GALNTL6: variants seen among roughly 807,000 people sequenced by gnomAD.
GALNTL6 encodes the protein polypeptide N-acetylgalactosaminyltransferase like 6.
GALNTL6 carries 46 observed loss-of-function variants against 73.7 expected under a neutral mutation model. The ratio of observed to expected loss-of-function variants is 0.62; its 90% CI spans 0.49 to 0.80. The LOEUF (loss-of-function observed/expected upper bound fraction) is 0.80. Among genes scored for constraint, GALNTL6 ranks in the 30% least tolerant of loss-of-function variants. The pLI, the probability that GALNTL6 is intolerant of heterozygous loss-of-function variation, is 0.00. For missense variants in GALNTL6, 604 were observed against 755.0 expected (o/e 0.80, Z 2.34); for synonymous variants, 259 against 263.7 (o/e 0.98, Z 0.17).
intron 3 of GALNTL6, among the ~76,000 whole-genome samples, chr4:172,251,933 G>A (rs1012581496): frequency 8.6e-5 from 13 of 152,022 alleles, no homozygotes; most frequent in Admixed American, 5.9e-4. Flanking sequence ...AACTAAAAAC[G>A]TGGCTTTCGA....
At chr4:172,739,924 G>C (rs777636514) in intron 5 of GALNTL6, among the ~76,000 whole-genome samples, 9 of 148,780 alleles carry the variant, frequency 6.0e-5, no homozygotes, top group Non-Finnish European at 1.2e-4. Context: ...GAGCAGAGCT[G>C]TTCAAGAAAT....
chr4:172,053,899 A>G (rs1730948184), intron 2 of GALNTL6, among the ~76,000 whole-genome samples: 1 of 152,144 alleles, frequency 6.6e-6, no homozygotes, highest in African/African-American at 2.4e-5. Context: ...AATAATATAT[A>G]TCCATGGGCC....
At chr4:172,150,030 A>G (rs13434475) in intron 2 of GALNTL6, among the ~76,000 whole-genome samples, 72,884 of 151,906 alleles carry the variant, frequency 0.48, 18,290 homozygotes, top group African/African-American at 0.62. Context: ...TCTCCCTAGG[A>G]ATTTTCATAC....
chr4:172,782,310 T>A (rs888101699), intron 5 of GALNTL6, among the ~76,000 whole-genome samples: 1 of 152,150 alleles, frequency 6.6e-6, no homozygotes, highest in African/African-American at 2.4e-5. Flanking sequence ...ATTTGGCCTC[T>A]TGGAGAAAGT....
At chr4:173,011,338 C>T (rs187998041) in intron 11 of GALNTL6, among the ~76,000 whole-genome samples, 5 of 152,184 alleles carry the variant, frequency 3.3e-5, no homozygotes, top group African/African-American at 7.2e-5. Flanking sequence ...TTTCCTTTGC[C>T]GTGCAGAAGC....
chr4:173,008,490 T>G (rs1168026343), intron 10 of GALNTL6, among the ~76,000 whole-genome samples: 1 of 152,228 alleles, frequency 6.6e-6, no homozygotes, highest in African/African-American at 2.4e-5. Flanking sequence ...ATAGGCCTGT[T>G]GCCTGATGTG....
Position 171,853,770 on chromosome 4 carries a change from C to A in GALNTL6, c.138+39052C>A, listed in dbSNP as rs956490434. On this transcript the variant is annotated intron_variant, in intron 2 of 12. Coordinates refer to ENST00000506823, the MANE Select transcript of GALNTL6 (RefSeq NM_001034845.3). ...GGGACTACAGGTGCCCACCACCACG[C>A]CCAGCTAATTTTTATATTTTTAGTA... Among the ~76,000 whole-genome samples, 147 of 151,804 alleles carry A rather than the reference C, an allele frequency of 9.7e-4. 1 individual carries two copies. The highest frequency in any genetic ancestry group is 5.9e-5 in the Non-Finnish European group (4 of 67,906).
intron 3 of GALNTL6, among the ~76,000 whole-genome samples, chr4:172,294,625 A>C (rs989925944): frequency 6.6e-6 from 1 of 152,128 alleles, no homozygotes; most frequent in Non-Finnish European, 1.5e-5. Context: ...AGATATTTTA[A>C]CAGACAAAAA....
intron 7 of GALNTL6, among the ~76,000 whole-genome samples, chr4:172,870,752 T>C (rs1744891550): frequency 6.6e-6 from 1 of 152,218 alleles, no homozygotes; most frequent in African/African-American, 2.4e-5. Context: ...TGATGACAAA[T>C]CTTTAATGAC....
intron 4 of GALNTL6, among the ~76,000 whole-genome samples, chr4:172,324,578 A>C (rs1223729234): frequency 6.6e-6 from 1 of 151,296 alleles, no homozygotes; most frequent in East Asian, 1.9e-4. Context: ...AAACAGGCTT[A>C]ATTTATATTT....
At chr4:171,888,829 G>A (rs1399143638) in intron 2 of GALNTL6, among the ~76,000 whole-genome samples, 1 of 152,036 alleles carries the variant, frequency 6.6e-6, no homozygotes, top group Non-Finnish European at 1.5e-5. Context: ...CTAGAAAAAT[G>A]ACCATGATAT....
At chr4:172,113,948 TG>T (rs1395188351) in intron 2 of GALNTL6, among the ~76,000 whole-genome samples, 13 of 152,128 alleles carry the variant, frequency 8.5e-5, no homozygotes, top group African/African-American at 2.9e-4. Flanking sequence ...ATTTTGACAA[TG>T]TCTTACCAAC....
At chr4:173,010,709 C>T (rs576887056) in intron 11 of GALNTL6, among the ~76,000 whole-genome samples, 4 of 152,162 alleles carry the variant, frequency 2.6e-5, no homozygotes, top group African/African-American at 9.6e-5. Context: ...ATTCTCCTTC[C>T]TCAGCCTCCC....
At chr4:172,906,740 G>A (rs1301925737) in intron 8 of GALNTL6, among the ~76,000 whole-genome samples, 3 of 152,190 alleles carry the variant, frequency 2.0e-5, no homozygotes, top group Non-Finnish European at 4.4e-5. Context: ...CTTGCCATGT[G>A]GCCCCCTCCA....
At chr4:172,270,175 G>GTGTGTGTGTGTGTA (rs1219470559) in intron 3 of GALNTL6, among the ~76,000 whole-genome samples, 11 of 148,820 alleles carry the variant, frequency 7.4e-5, no homozygotes, top group Non-Finnish European at 1.0e-4. Flanking sequence ...TGTCCACTGT[G>GTGTGTGTGTGTGTA]TGTGTGTGTG....
intron 2 of GALNTL6, among the ~76,000 whole-genome samples, chr4:172,138,170 T>G (rs140794299): frequency 6.6e-6 from 1 of 152,088 alleles, no homozygotes; most frequent in East Asian, 1.9e-4. Context: ...TTGAAAAAAC[T>G]TATAACTTGT....
chr4:171,914,424 T>G (rs1737557263), intron 2 of GALNTL6, among the ~76,000 whole-genome samples: 1 of 143,014 alleles, frequency 7.0e-6, no homozygotes, highest in Non-Finnish European at 1.5e-5. Context: ...AAAAGGAAAA[T>G]GTACTTTTTT....
intron 5 of GALNTL6, among the ~76,000 whole-genome samples, chr4:172,464,266 A>C (rs1277050928): frequency 6.6e-6 from 1 of 152,176 alleles, no homozygotes; most frequent in African/African-American, 2.4e-5. Context: ...TATGACTTGC[A>C]GAACAGGGGT....
chr4:171,845,539 T>G (rs965957549), intron 2 of GALNTL6, among the ~76,000 whole-genome samples: 10 of 152,190 alleles, frequency 6.6e-5, no homozygotes, highest in Non-Finnish European at 1.2e-4. Context: ...GTCCTAAGTC[T>G]TGTTCTTACT....
Sources: gnomAD v4.1 joint callset for allele counts (sites outside exome capture counted in the v4.1 genomes callset) on GRCh38, gnomAD v4.1.1 for gene constraint, MANE v1.5 for transcripts, NCBI Gene and HGNC (gene_info 2026-07-23, HGNC 2026-07-21) for gene names.